The following CTPS2 variants were observed in gnomAD, a reference collection of about 807,000 sequenced individuals.
CTPS2 encodes CTP synthase 2, also known as CTP synthase II.
In CTPS2, 19 loss-of-function variants were observed where a neutral mutation model predicts 46.8. The ratio of observed to expected loss-of-function variants is 0.41; its 90% CI spans 0.28 to 0.60. The LOEUF (loss-of-function observed/expected upper bound fraction) is 0.60, where lower values mean the gene tolerates loss of function less well. Among genes scored for constraint, CTPS2 ranks in the 20% least tolerant of loss-of-function variants. The probability of loss-of-function intolerance (pLI) is 0.35; values close to 1 mark genes in which losing one functional copy is unlikely to be tolerated. For synonymous variants in CTPS2, 151 were observed against 165.2 expected, an observed-to-expected ratio of 0.91 and a Z score of 0.66; for missense variants, 286 against 447.6, an observed-to-expected ratio of 0.64 and a Z score of 3.26.
chrX:16,667,617 A>G, intron 12 of CTPS2, 45 bp downstream of exon 12: 1 of 1,204,901 alleles, frequency 8.3e-7, no homozygotes, highest in Non-Finnish European at 1.1e-6. Context: ...ATTTGAAGAG[A>G]GAAAATTTTT....
intron 10 of CTPS2, among the ~76,000 whole-genome samples, chrX:16,672,468 G>A (rs1179211529): frequency 2.7e-5 from 3 of 110,999 alleles, no homozygotes; most frequent in Admixed American, 9.6e-5. Context: ...TACTCAAGGC[G>A]ACCATCTTGC....
intron 13 of CTPS2, chrX:16,651,119 C>A: frequency 1.8e-6 from 2 of 1,110,305 alleles, no homozygotes; most frequent in Non-Finnish European, 2.4e-6. Flanking sequence ...TTGATTCAGG[C>A]TGAATTCCCC....
At chrX:16,624,112 C>A (rs938197407) in intron 14 of CTPS2, among the ~76,000 whole-genome samples, 3 of 110,453 alleles carry the variant, frequency 2.7e-5, no homozygotes, top group Non-Finnish European at 5.7e-5. Flanking sequence ...TTCTTAAGAC[C>A]AGCACCTAGC....
chrX:16,708,556 T>C (rs1925194820), intron 1 of CTPS2, among the ~76,000 whole-genome samples: 1 of 110,733 alleles, frequency 9.0e-6, no homozygotes, highest in Admixed American at 9.8e-5. Flanking sequence ...TATATACATA[T>C]ATTACATATA....
chrX:16,616,277 C>T (rs1164978923), intron 16 of CTPS2, among the ~76,000 whole-genome samples: 1 of 112,294 alleles, frequency 8.9e-6, no homozygotes, highest in African/African-American at 3.2e-5. Context: ...ACAACAACTT[C>T]GGTGTTCTTC....
chrX:16,658,999 T>C (rs1442189362), intron 13 of CTPS2, among the ~76,000 whole-genome samples: 1 of 112,225 alleles, frequency 8.9e-6, no homozygotes. Flanking sequence ...GATCATTCTT[T>C]AATGCTGTTA....
At chrX:16,678,135 C>T (rs778546333) in intron 10 of CTPS2, among the ~76,000 whole-genome samples, 9 of 112,062 alleles carry the variant, frequency 8.0e-5, no homozygotes, top group African/African-American at 2.6e-4. Context: ...CCCACAGTAT[C>T]CCCATCCTCC....
rs1000216293 is a variant in CTPS2 at position 16,589,195 on chromosome X, A to G, written c.*622T>C. On this transcript the variant is annotated 3_prime_UTR_variant, in exon 19 of 19. Transcript: ENST00000359276. Reference sequence around the variant, plus strand: ...ACACTTCTAGCCCCAAGCATTTCACATAAGGGATACTCAGACTGTATTGCT... The same window carrying G: ...ACACTTCTAGCCCCAAGCATTTCACGTAAGGGATACTCAGACTGTATTGCT... 1 of 112,295 alleles carries G rather than the reference A, an allele frequency of 8.9e-6. No homozygotes were observed. The highest frequency in any genetic ancestry group is 3.2e-5 in the African/African-American group (1 of 30,921). The allele number at this position is 112,295 out of a possible 1,213,427, so 9.3% of individuals were successfully genotyped here.
chrX:16,682,354 G>A (rs778071707), intron 9 of CTPS2, among the ~76,000 whole-genome samples: 5 of 111,674 alleles, frequency 4.5e-5, no homozygotes, highest in African/African-American at 9.8e-5. Context: ...GCATGGTGGC[G>A]GGAGTCTGTA....
At chrX:16,691,448 C>G (rs191939854) in intron 7 of CTPS2, 92 bp downstream of exon 7, 75 of 735,845 alleles carry the variant, frequency 1.0e-4, no homozygotes, top group Non-Finnish European at 1.4e-4. Flanking sequence ...GCATAAATGC[C>G]GTGAAAAGTA....
chrX:16,613,602 C>CTT (rs111462789), intron 16 of CTPS2, among the ~76,000 whole-genome samples: 11 of 102,136 alleles, frequency 1.1e-4, no homozygotes, highest in African/African-American at 3.6e-4. Flanking sequence ...AGGGACTTGC[C>CTT]TTTTTTTTTT....
At chrX:16,678,530 C>T in intron 9 of CTPS2, 80 bp from the exon 10 acceptor site, 1 of 565,937 alleles carries the variant, frequency 1.8e-6, no homozygotes, top group Non-Finnish European at 3.0e-6. Context: ...AATACTATGA[C>T]ACATTATTCA....
chrX:16,642,139 T>G (rs1055168321), intron 13 of CTPS2, among the ~76,000 whole-genome samples: 1 of 111,891 alleles, frequency 8.9e-6, no homozygotes, highest in Non-Finnish European at 1.9e-5. Context: ...TCATCAAGAG[T>G]AAAATGTAGT....
rs753212179 is a variant in CTPS2, at chrX:16,664,156, G to A, written c.1296+3358C>T. 3.4e-4 allele frequency among the ~76,000 whole-genome samples: 38 copies of A among 112,018 alleles called. 1 individual carries two copies. In the South Asian group the frequency reaches 4.4e-3, roughly 13 times the overall value. ...CGGCCATGTGTAAAAATTTTTTAAC[G>A]CACGTACACACACCCCCAGTAAAGA... On this transcript the variant is annotated intron_variant, in intron 13 of 18. Transcript: ENST00000359276.
rs772416466 is a variant in CTPS2, at chrX:16,699,988, A to G, written c.167-895T>C. Among the ~76,000 whole-genome samples, 4 of 107,652 alleles carry G rather than the reference A, an allele frequency of 3.7e-5. No individual in the cohort carries two copies. The South Asian group carries it at 1.7e-3, about 44-fold the overall frequency. 93.5% of individuals were successfully genotyped at this position (107,652 alleles called of 115,157 possible). ...TTCGCTGTCAACCAGGCTGGAGTGC[A>G]GTGGCGTGATCTCAGCTCACTGCAA... On this transcript the variant is annotated intron_variant, in intron 2 of 18. Transcript: ENST00000359276.
chrX:16,679,541 C>T (rs959640826), intron 9 of CTPS2, among the ~76,000 whole-genome samples: 7 of 110,816 alleles, frequency 6.3e-5, no homozygotes, highest in African/African-American at 2.3e-4. Context: ...GGCTGAGAAG[C>T]CATGACACAG....
intron 1 of CTPS2, among the ~76,000 whole-genome samples, chrX:16,708,696 A>G (rs759565663): frequency 4.5e-5 from 5 of 111,368 alleles, no homozygotes; most frequent in Non-Finnish European, 9.4e-5. Flanking sequence ...GGGCAAATAA[A>G]CTGTGCTTTA....
chrX:16,629,051 G>A (rs192267125), intron 14 of CTPS2, among the ~76,000 whole-genome samples: 1 of 112,224 alleles, frequency 8.9e-6, no homozygotes, highest in East Asian at 2.8e-4. Flanking sequence ...AAACTGAGGC[G>A]TGGTGCGGGT....
intron 2 of CTPS2, among the ~76,000 whole-genome samples, 169 bp from the exon 3 acceptor site, chrX:16,699,262 G>A (rs1924372272): frequency 9.0e-6 from 1 of 111,391 alleles, no homozygotes; most frequent in African/African-American, 3.3e-5. Flanking sequence ...CCAAGAAAAT[G>A]CATCAGAAAA....
Sources: gnomAD v4.1 joint callset for allele counts (sites outside exome capture counted in the v4.1 genomes callset) on GRCh38, gnomAD v4.1.1 for gene constraint, MANE v1.5 for transcripts, NCBI Gene and HGNC (gene_info 2026-07-23, HGNC 2026-07-21) for gene names.